TET1: variants seen among roughly 807,000 people sequenced by gnomAD.
The protein encoded by TET1 is tet methylcytosine dioxygenase 1, also known as methylcytosine dioxygenase TET1.
TET1 carries 13 observed loss-of-function variants against 148.7 expected under a neutral mutation model. That is an observed-to-expected ratio of 0.09 (90% confidence interval 0.06 to 0.14). The LOEUF (loss-of-function observed/expected upper bound fraction) is 0.14, where lower values mean the gene tolerates loss of function less well. Ranked by LOEUF, TET1 falls within the 10% of genes least tolerant of loss-of-function variation. TET1 has a pLI of 1.00. For missense variants in TET1, 2,182 were observed against 2,553.8 expected, an observed-to-expected ratio of 0.85 and a Z score of 3.14; for synonymous variants, 907 against 937.2, an observed-to-expected ratio of 0.97 and a Z score of 0.59.
intron 2 of TET1, among the ~76,000 whole-genome samples, chr10:68,600,223 T>A (rs2054036147): frequency 6.6e-6 from 1 of 152,080 alleles, no homozygotes; most frequent in Non-Finnish European, 1.5e-5. Context: ...CTAGGCTCAG[T>A]TATGTCTCCT....
intron 3 of TET1, chr10:68,632,508 T>C: frequency 6.2e-7 from 1 of 1,613,124 alleles, no homozygotes; most frequent in South Asian, 1.1e-5. Flanking sequence ...TGGCTGGCTT[T>C]GGACATTTTT....
rs2053692097 is a variant in TET1, at chr10:68,573,344, C to G, written c.1006C>G (p.Gln336Glu). 1 of 1,614,180 alleles carries G rather than the reference C, an allele frequency of 6.2e-7. No homozygotes were observed. The highest frequency in any genetic ancestry group is 8.5e-7 in the Non-Finnish European group (1 of 1,180,032). Residue 336 changes from glutamine (Q) to glutamate (E), a missense_variant, in exon 2 of 12, where the codon CAA becomes GAA. Coordinates refer to ENST00000373644, the MANE Select transcript of TET1 (RefSeq NM_030625.3). ...AAAATTCCTCTTGGCAGGCTCAAAA[C>G]AAGCGACCCTTGGTGCTAAACCAGA... ...VIKFLLAGSK[Q>E]ATLGAKPDHQ...
chr10:68,603,959 G>C (rs2054090753), intron 3 of TET1, among the ~76,000 whole-genome samples: 1 of 152,176 alleles, frequency 6.6e-6, no homozygotes, highest in Non-Finnish European at 1.5e-5. Context: ...CTAGTGGTGG[G>C]TGGGGGTAGC....
In TET1 at chr10:68,584,561, TAGCCAGGCG is replaced by T. The variant is rs1564953889; in HGVS notation, c.1914+10310_1914+10318del. Among the ~76,000 whole-genome samples the T allele has an allele frequency of 3.6e-3, 537 of 151,090 alleles. 2 individuals are homozygous for T. Among genetic ancestry groups the T allele is most frequent in the African/African-American group, 0.013 (520 of 41,270 alleles). On this transcript the variant is annotated intron_variant, in intron 2 of 11. Coordinates refer to ENST00000373644, the MANE Select transcript of TET1 (RefSeq NM_030625.3). ...CCGTCTCTACGAAAAATGCAAAAAT[TAGCCAGGCG>T]TGGTGGCATGCACCTGTAATCCCAG...
chr10:68,654,893 A>G (rs914412404), intron 6 of TET1, among the ~76,000 whole-genome samples: 15 of 152,330 alleles, frequency 9.8e-5, no homozygotes, highest in African/African-American at 3.6e-4. Context: ...ACCCACTTCC[A>G]AGCTCCCTTA....
intron 3 of TET1, among the ~76,000 whole-genome samples, chr10:68,611,633 A>G (rs1324310053): frequency 4.7e-5 from 7 of 150,038 alleles, no homozygotes; most frequent in African/African-American, 1.7e-4. Flanking sequence ...GCCTAGGCCA[A>G]TTGTCAGAGA....
intron 2 of TET1, among the ~76,000 whole-genome samples, chr10:68,593,250 A>G (rs2053939545): frequency 6.6e-6 from 1 of 150,904 alleles, no homozygotes; most frequent in African/African-American, 2.4e-5. Context: ...AAAAAAAAAA[A>G]AAAAAAGAGG....
At chr10:68,650,956 A>G (rs1389928334) in intron 4 of TET1, among the ~76,000 whole-genome samples, 2 of 152,192 alleles carry the variant, frequency 1.3e-5, no homozygotes, top group Non-Finnish European at 2.9e-5. Context: ...AAAATTTAAA[A>G]CAATCTTTCT....
chr10:68,641,282 A>G (rs1282391802), intron 3 of TET1, among the ~76,000 whole-genome samples: 1 of 151,820 alleles, frequency 6.6e-6, no homozygotes, highest in Non-Finnish European at 1.5e-5. Flanking sequence ...GGCTCACTGC[A>G]ACCTCTACCT....
At chr10:68,593,716 G>A (rs1209646775) in intron 2 of TET1, among the ~76,000 whole-genome samples, 5 of 152,048 alleles carry the variant, frequency 3.3e-5, no homozygotes, top group Admixed American at 6.6e-5. Flanking sequence ...AGGTTCAAGC[G>A]ATTATCCTGC....
intron 2 of TET1, among the ~76,000 whole-genome samples, chr10:68,575,877 G>T (rs560616149): frequency 2.0e-5 from 3 of 150,858 alleles, no homozygotes; most frequent in African/African-American, 7.3e-5. Flanking sequence ...AAAATTAGCC[G>T]GGCGTGACGG....
rs1447478334 is a variant in TET1, at chr10:68,691,149, C to T, written c.5746C>T (p.Pro1916Ser). The change falls in exon 12 of 12, where the codon CCT becomes TCT. Residue 1916 changes from proline (P) to serine (S), a missense_variant. By Grantham distance (74) the Pro-to-Ser change is moderately conservative (BLOSUM62 -1). Transcript: ENST00000373644. This position sits in a 1 kb window ranked among gnomAD's most constrained non-coding sequence, Gnocchi z 4.4. Reference sequence around the variant, plus strand: ...GGCTCCTCTCCCCACCCTGTCTGCTCCTGTGATGGAGCCCCTCATTAATTC... The same window carrying T: ...GGCTCCTCTCCCCACCCTGTCTGCTTCTGTGATGGAGCCCCTCATTAATTC... ...EVAPLPTLSAPVMEPLINSEP... is the reference protein window; with the variant it reads ...EVAPLPTLSASVMEPLINSEP... The T allele has an allele frequency of 6.2e-7, 1 of 1,614,084 alleles. No individual in the cohort carries two copies. Among genetic ancestry groups the T allele is most frequent in the African/African-American group, 1.3e-5 (1 of 74,930 alleles).
chr10:68,624,673 TC>T (rs1185716291), intron 3 of TET1, among the ~76,000 whole-genome samples: 14 of 98,282 alleles, frequency 1.4e-4, no homozygotes, highest in African/African-American at 1.7e-4. Context: ...TCTCTCTCTC[TC>T]TCTCTCTCTC....
At chr10:68,617,006 CTTTTTTTTTTTTTTTTTTTTTT>C (rs71019039) in intron 3 of TET1, among the ~76,000 whole-genome samples, 2 of 39,582 alleles carry the variant, frequency 5.1e-5, no homozygotes, top group African/African-American at 1.0e-4. Context: ...CGCGCCTGGC[CTTTTTTTTTTTTTTTTTTTTTT>C]TTTTTTTTTT....
intron 6 of TET1, among the ~76,000 whole-genome samples, chr10:68,657,847 T>A (rs953835606): frequency 6.6e-6 from 1 of 152,154 alleles, no homozygotes; most frequent in Non-Finnish European, 1.5e-5. Context: ...GGAAAAATTT[T>A]AAAACAATTT....
At chr10:68,640,923 A>C (rs2054743651) in intron 3 of TET1, among the ~76,000 whole-genome samples, 1 of 151,422 alleles carries the variant, frequency 6.6e-6, no homozygotes, top group Non-Finnish European at 1.5e-5. Flanking sequence ...TATGATTTTT[A>C]TGTAATGATA....
intron 2 of TET1, among the ~76,000 whole-genome samples, chr10:68,595,999 C>CATATATATACAT (rs2053982599): frequency 1.1e-5 from 1 of 89,564 alleles, no homozygotes; most frequent in African/African-American, 4.6e-5. Flanking sequence ...CACACACACA[C>CATATATATACAT]ACACACACAC....
At chr10:68,671,662 A>AT (rs2055273891) in intron 7 of TET1, among the ~76,000 whole-genome samples, 1 of 152,266 alleles carries the variant, frequency 6.6e-6, no homozygotes, top group Non-Finnish European at 1.5e-5. Context: ...TTAAGGCTTT[A>AT]GAAATGCCCT....
At chr10:68,670,898 T>C (rs937956184) in intron 7 of TET1, among the ~76,000 whole-genome samples, 1 of 152,094 alleles carries the variant, frequency 6.6e-6, no homozygotes, top group African/African-American at 2.4e-5. Flanking sequence ...TCAAAATAAT[T>C]GGTTTCTTTA....
Sources: allele counts gnomAD v4.1 joint callset (sites outside exome capture counted in the v4.1 genomes callset), GRCh38; gene constraint gnomAD v4.1.1; non-coding constraint Gnocchi (gnomAD v3.1); transcripts MANE v1.5; gene names NCBI Gene and HGNC (gene_info 2026-07-23, HGNC 2026-07-21).